HTR3B: variants seen among roughly 807,000 people sequenced by gnomAD.
The protein encoded by HTR3B is 5-hydroxytryptamine (serotonin) receptor 3B, ionotropic.
HTR3B carries 44 observed loss-of-function variants against 42.8 expected under a neutral mutation model. The ratio of observed to expected loss-of-function variants is 1.03; its 90% CI spans 0.81 to 1.32. The LOEUF (loss-of-function observed/expected upper bound fraction) is 1.32. Among genes scored for constraint, HTR3B ranks in the 40% most tolerant of loss-of-function variants. HTR3B has a pLI of 0.00. For synonymous variants in HTR3B, 203 were observed against 209.0 expected (o/e 0.97, Z 0.25); for missense variants, 527 against 536.5 (o/e 0.98, Z 0.17).
At chr11:113,908,676 G>A (rs761679432) in intron 1 of HTR3B, among the ~76,000 whole-genome samples, 27 of 152,062 alleles carry the variant, frequency 1.8e-4, no homozygotes, top group Non-Finnish European at 2.9e-4. Context: ...TTGTTCCCTG[G>A]AACCAGAGAG....
intron 2 of HTR3B, among the ~76,000 whole-genome samples, chr11:113,921,893 CATCA>C (rs1949919108): frequency 6.6e-6 from 1 of 152,222 alleles, no homozygotes; most frequent in African/African-American, 2.4e-5. Context: ...TTAGACATGT[CATCA>C]TATTGAATTT....
At chr11:113,924,488 G>T (rs569786796) in intron 2 of HTR3B, among the ~76,000 whole-genome samples, 20 of 151,932 alleles carry the variant, frequency 1.3e-4, no homozygotes, top group African/African-American at 4.6e-4. Flanking sequence ...AGCTAGGCAC[G>T]GTGTTGCACA....
chr11:113,909,588 T>C, intron 2 of HTR3B, 133 bp downstream of exon 2: 1 of 720,988 alleles, frequency 1.4e-6, no homozygotes, highest in Non-Finnish European at 2.3e-6. Flanking sequence ...CTAGATTCAT[T>C]TTAGCAGTTA....
At chr11:113,924,311 CAGTT>C (rs756323031) in intron 2 of HTR3B, among the ~76,000 whole-genome samples, 14 of 151,886 alleles carry the variant, frequency 9.2e-5, no homozygotes, top group Non-Finnish European at 1.6e-4. Context: ...CATGATCTCT[CAGTT>C]GGTAAAATTT....
chr11:113,944,529 A>G lies in HTR3B; in HGVS notation c.908-44A>G, dbSNP rs781193493. 11 of 1,593,678 alleles carry G rather than the reference A, an allele frequency of 6.9e-6. No individual in the cohort carries two copies. In the Admixed American group the frequency reaches 1.7e-4, roughly 25 times the overall value. On this transcript the variant is annotated intron_variant, in intron 7 of 8. Coordinates refer to ENST00000260191, the MANE Select transcript of HTR3B (RefSeq NM_006028.5). ...AGAAAACAAAAAAATCTGATGCTGC[A>G]TTTCAGACTGGAGGCTAACTGCACC...
chr11:113,905,523 AC>A (rs2137480288), intron 1 of HTR3B, among the ~76,000 whole-genome samples: 1 of 152,286 alleles, frequency 6.6e-6, no homozygotes, highest in Admixed American at 6.5e-5. Context: ...AAAGACAGGT[AC>A]TATAAACTGG....
chr11:113,924,405 C>T (rs1211699005), intron 2 of HTR3B, among the ~76,000 whole-genome samples: 2 of 151,868 alleles, frequency 1.3e-5, no homozygotes, highest in Non-Finnish European at 1.5e-5. Flanking sequence ...TGCTTGAGTC[C>T]GGGAACTTGA....
chr11:113,903,549 C>A, upstream of HTR3B, among the ~76,000 whole-genome samples: 1 of 151,564 alleles, frequency 6.6e-6, no homozygotes, highest in Non-Finnish European at 1.5e-5. Context: ...CTGCCTCAGC[C>A]TCCCGAGTAG....
rs201996305 is a variant in HTR3B, at chr11:113,925,417, G to GTTTT, written c.214-5946_214-5943dup. ...AGCAAAGGAAATGTTTTACGAATTT[G>GTTTT]TTTTTTTTTTTTTTTTTTTTTTTTG... On this transcript the variant is annotated intron_variant, in intron 2 of 8. Transcript: ENST00000260191. Among the ~76,000 whole-genome samples, 205 of 100,732 alleles carry GTTTT rather than the reference G, an allele frequency of 2.0e-3. 5 individuals are homozygous for GTTTT. Among genetic ancestry groups the GTTTT allele is most frequent in the African/African-American group, 6.5e-3 (171 of 26,496 alleles). The allele number at this position is 100,732 out of a possible 152,430, so 66.1% of individuals were successfully genotyped here.
chr11:113,936,363 C>T (rs930125165), intron 6 of HTR3B, among the ~76,000 whole-genome samples: 1 of 151,990 alleles, frequency 6.6e-6, no homozygotes, highest in Non-Finnish European at 1.5e-5. Flanking sequence ...AATTGGGGTG[C>T]GCACAGGGTG....
intron 2 of HTR3B, among the ~76,000 whole-genome samples, chr11:113,922,596 C>T (rs971390929): frequency 6.6e-6 from 1 of 151,622 alleles, no homozygotes; most frequent in Non-Finnish European, 1.5e-5. Context: ...CGCTCTGTCG[C>T]CCAGGCTGGA....
At chr11:113,924,985 T>C (rs1490186020) in intron 2 of HTR3B, among the ~76,000 whole-genome samples, 2 of 152,216 alleles carry the variant, frequency 1.3e-5, no homozygotes, top group African/African-American at 4.8e-5. Flanking sequence ...GTTAGTAATT[T>C]GCTTTCTTGA....
upstream of HTR3B, among the ~76,000 whole-genome samples, chr11:113,903,254 A>T (rs1361831100): frequency 3.3e-5 from 5 of 152,150 alleles, no homozygotes; most frequent in South Asian, 1.0e-3. Flanking sequence ...TCCTGAATAG[A>T]TTCAAGTTAT....
rs369346262 is a variant in HTR3B at position 113,913,385 on chromosome 11, A to G, written c.213+3930A>G. ...TTTTTTTTTTTTTTTTTTTTTTTGT[A>G]TTTTTAGTAGAGATGGAGTTTCACC... On this transcript the variant is annotated intron_variant, in intron 2 of 8. Transcript: ENST00000260191. 5.8e-3 allele frequency among the ~76,000 whole-genome samples: 425 copies of G among 73,560 alleles called. 3 individuals are homozygous for G. Among genetic ancestry groups the G allele is most frequent in the African/African-American group, 0.021 (376 of 17,612 alleles). The allele number at this position is 73,560 out of a possible 152,430, so 48.3% of individuals were successfully genotyped here.
chr11:113,937,577 A>G (rs1053425550), intron 6 of HTR3B, among the ~76,000 whole-genome samples: 1 of 152,212 alleles, frequency 6.6e-6, no homozygotes, highest in Non-Finnish European at 1.5e-5. Flanking sequence ...GAGATGAGTG[A>G]TCCAAGTATC....
At chr11:113,904,149 T>C (rs1949717134), upstream of HTR3B, among the ~76,000 whole-genome samples, 1 of 152,146 alleles carries the variant, frequency 6.6e-6, no homozygotes, top group Non-Finnish European at 1.5e-5. Context: ...TGCATCATGT[T>C]CCTTAGTAAT....
intron 2 of HTR3B, among the ~76,000 whole-genome samples, chr11:113,928,082 G>A (rs1419001368): frequency 6.6e-6 from 1 of 152,076 alleles, no homozygotes; most frequent in Non-Finnish European, 1.5e-5. Context: ...CCCTCTCCGT[G>A]TCCATGTGTT....
upstream of HTR3B, among the ~76,000 whole-genome samples, chr11:113,902,809 C>G (rs1035449139): frequency 1.1e-4 from 17 of 152,284 alleles, no homozygotes; most frequent in African/African-American, 4.1e-4. Flanking sequence ...GCTTGTGTCT[C>G]TTTAGTCTGA....
chr11:113,941,146 G>A (rs544092553), intron 6 of HTR3B, among the ~76,000 whole-genome samples: 16 of 152,316 alleles, frequency 1.1e-4, no homozygotes, highest in Admixed American at 2.6e-4. Context: ...ATATTGAGCC[G>A]TTCATTGTTT....
Sources: gnomAD v4.1 joint callset for allele counts (sites outside exome capture counted in the v4.1 genomes callset) on GRCh38, gnomAD v4.1.1 for gene constraint, MANE v1.5 for transcripts, NCBI Gene and HGNC (gene_info 2026-07-23, HGNC 2026-07-21) for gene names.